RAPGEF6: variants seen among roughly 807,000 people sequenced by gnomAD.
The protein encoded by RAPGEF6 is PDZ domain containing guanine nucleotide exchange factor (GEF) 2.
A neutral mutation model predicts 171.4 loss-of-function variants in RAPGEF6; 56 were observed. The observed-to-expected ratio is 0.33, with a 90% CI of 0.26 to 0.41. RAPGEF6 has a LOEUF of 0.41. RAPGEF6 is among the 10% of genes least tolerant of loss of function. The probability of loss-of-function intolerance (pLI) is 1.00; values close to 1 mark genes in which losing one functional copy is unlikely to be tolerated. For missense variants in RAPGEF6, 1,674 were observed against 1,921.4 expected (o/e 0.87, Z 2.41); for synonymous variants, 692 against 650.1 (o/e 1.06, Z -0.98).
chr5:131,557,266 CT>C (rs890334392), intron 5 of RAPGEF6, among the ~76,000 whole-genome samples: 6 of 152,114 alleles, frequency 3.9e-5, no homozygotes, highest in African/African-American at 1.2e-4. Context: ...CTAAAAACAA[CT>C]TTTTAAGGTT....
chr5:131,487,319 T>C (rs1417429592), intron 15 of RAPGEF6, among the ~76,000 whole-genome samples: 1 of 152,138 alleles, frequency 6.6e-6, no homozygotes, highest in Non-Finnish European at 1.5e-5. Flanking sequence ...TTCCAGAGGG[T>C]GGAAGGGGAC....
intron 6 of RAPGEF6, among the ~76,000 whole-genome samples, chr5:131,538,760 C>T (rs1759940396): frequency 6.6e-6 from 1 of 152,138 alleles, no homozygotes; most frequent in Admixed American, 6.5e-5. Flanking sequence ...ATATATTTTA[C>T]ATTTCTACAA....
rs1167202753 is a variant in RAPGEF6, at chr5:131,635,058, G to A, written c.-28C>T. The stretch of plus-strand genomic sequence containing the variant: ...CCACGGCCCGGGTACTCCGCAGCCT[G>A]CCCTTAGCAGCCCACGCCACAGTTC... On this transcript the variant is annotated 5_prime_UTR_variant, in exon 1 of 28. Coordinates refer to ENST00000509018, the MANE Select transcript of RAPGEF6 (RefSeq NM_016340.6). The A allele has an allele frequency of 2.5e-6, 4 of 1,583,578 alleles. No individual in the cohort carries two copies. In the Admixed American group the frequency reaches 6.9e-5, roughly 27 times the overall value.
At chr5:131,489,954 G>C (rs1756172565) in intron 14 of RAPGEF6, among the ~76,000 whole-genome samples, 1 of 151,612 alleles carries the variant, frequency 6.6e-6, no homozygotes, top group South Asian at 2.1e-4. Flanking sequence ...ATTTAATCAT[G>C]GCAGATCAGC....
At chr5:131,449,974 T>C in intron 21 of RAPGEF6, 1 of 1,499,706 alleles carries the variant, frequency 6.7e-7, no homozygotes, top group Non-Finnish European at 9.0e-7. Context: ...GCAATATATG[T>C]TAAGAGTCGC....
chr5:131,491,481 C>T (rs140225326), intron 14 of RAPGEF6, among the ~76,000 whole-genome samples: 130 of 152,230 alleles, frequency 8.5e-4, no homozygotes, highest in African/African-American at 3.1e-3. Flanking sequence ...GATGATCAGG[C>T]AGATTTGGGA....
At chr5:131,547,452 C>T (rs1318407413) in intron 6 of RAPGEF6, among the ~76,000 whole-genome samples, 1 of 151,208 alleles carries the variant, frequency 6.6e-6, no homozygotes, top group Admixed American at 6.6e-5. Flanking sequence ...GATTCAGCTA[C>T]TTTTCAGTCT....
At chr5:131,564,965 G>C (rs1460870141) in intron 4 of RAPGEF6, among the ~76,000 whole-genome samples, 1 of 151,978 alleles carries the variant, frequency 6.6e-6, no homozygotes, top group South Asian at 2.1e-4. Context: ...CCATCTATTA[G>C]TTTTAGCATT....
At chr5:131,554,006 A>T (rs1761079213) in intron 5 of RAPGEF6, among the ~76,000 whole-genome samples, 1 of 150,738 alleles carries the variant, frequency 6.6e-6, no homozygotes, top group Non-Finnish European at 1.5e-5. Context: ...AAAAAATCCA[A>T]AAGAGGATAA....
intron 4 of RAPGEF6, among the ~76,000 whole-genome samples, chr5:131,565,860 T>C (rs1353058694): frequency 1.3e-5 from 2 of 152,052 alleles, no homozygotes; most frequent in African/African-American, 4.8e-5. Flanking sequence ...TATAAGTGGA[T>C]CAGAACCAGG....
At chr5:131,531,507 G>A (rs1357324521) in intron 6 of RAPGEF6, among the ~76,000 whole-genome samples, 1 of 152,124 alleles carries the variant, frequency 6.6e-6, no homozygotes, top group Non-Finnish European at 1.5e-5. Flanking sequence ...TGACAAGTAT[G>A]ATAGATGACC....
rs750037216 is a variant in RAPGEF6, at chr5:131,510,508, T to G, written c.628-17A>C. On this transcript the variant is annotated splice_polypyrimidine_tract_variant and intron_variant, in intron 7 of 27. Coordinates refer to ENST00000509018, the MANE Select transcript of RAPGEF6 (RefSeq NM_016340.6). Reference sequence around the variant, plus strand: ...CTCCGTAGCCTATGAAAAGAAATCTTGATCACTTACCATTTCATGTAAAAA... The same window carrying G: ...CTCCGTAGCCTATGAAAAGAAATCTGGATCACTTACCATTTCATGTAAAAA... 1 of 1,605,554 alleles carries G rather than the reference T, an allele frequency of 6.2e-7. No individual in the cohort carries two copies. Among genetic ancestry groups the G allele is most frequent in the Non-Finnish European group, 8.5e-7 (1 of 1,175,974 alleles).
intron 6 of RAPGEF6, among the ~76,000 whole-genome samples, chr5:131,533,879 G>A (rs533628230): frequency 3.3e-5 from 5 of 152,086 alleles, no homozygotes; most frequent in African/African-American, 1.2e-4. Context: ...TTTTTCTATA[G>A]AAATTACAGA....
rs1339674245 is a variant in RAPGEF6 at position 131,510,322 on chromosome 5, T to C, written c.797A>G (p.Asp266Gly). The C allele has an allele frequency of 6.2e-7, 1 of 1,612,562 alleles. No homozygotes were observed. The change falls in exon 8 of 28, where the codon GAT becomes GGT. Residue 266 changes from aspartate (D) to glycine (G), a missense_variant. Physicochemically the swap from Asp to Gly is moderately conservative, Grantham distance 94. Transcript: ENST00000509018. ...LEKEPADKTD[D>G]DIEQLLEFMH... ...ACACATATATTTCTTACCAATGTCA[T>C]CATCAGTTTTGTCTGCAGGTTCTTT...
intron 1 of RAPGEF6, among the ~76,000 whole-genome samples, chr5:131,623,477 C>CTTTTTT (rs763921579): frequency 5.1e-4 from 58 of 114,134 alleles, no homozygotes; most frequent in African/African-American, 1.0e-3. Context: ...TTTCACATTG[C>CTTTTTT]TTTTTTTTTT....
intron 4 of RAPGEF6, among the ~76,000 whole-genome samples, chr5:131,571,859 G>A (rs545954370): frequency 1.2e-4 from 18 of 152,046 alleles, no homozygotes; most frequent in African/African-American, 4.3e-4. Flanking sequence ...CGCCACCACC[G>A]CCCCCAGCCT....
intron 4 of RAPGEF6, among the ~76,000 whole-genome samples, chr5:131,566,161 A>G (rs534432070): frequency 9.0e-4 from 135 of 150,612 alleles, no homozygotes; most frequent in African/African-American, 1.8e-3. Flanking sequence ...AAGAAAGAAA[A>G]AAAAAAAAGG....
At chr5:131,521,875 ACACACACACACACACACTCT>A (rs1388879128) in intron 6 of RAPGEF6, among the ~76,000 whole-genome samples, 12 of 124,440 alleles carry the variant, frequency 9.6e-5, no homozygotes, top group East Asian at 2.1e-4. Context: ...ACACACACAC[ACACACACACACACACACTCT>A]CTCTCTCTCT....
At chr5:131,563,065 G>A (rs1339174358) in intron 4 of RAPGEF6, among the ~76,000 whole-genome samples, 3 of 145,436 alleles carry the variant, frequency 2.1e-5, no homozygotes, top group Non-Finnish European at 4.6e-5. Context: ...TTTTAATGAA[G>A]AATAAAAAAA....
Sources: gnomAD v4.1 joint callset for allele counts (sites outside exome capture counted in the v4.1 genomes callset) on GRCh38, gnomAD v4.1.1 for gene constraint, MANE v1.5 for transcripts, NCBI Gene and HGNC (gene_info 2026-07-23, HGNC 2026-07-21) for gene names.